Variants in AR observed in about 807,000 individuals in gnomAD.
AR encodes the protein androgen receptor, also known as dihydrotestosterone receptor.
A neutral mutation model predicts 53.9 loss-of-function variants in AR; 8 were observed. The observed-to-expected ratio is 0.15, with a 90% CI of 0.09 to 0.27. The LOEUF is 0.27. Ranked by LOEUF, AR falls within the 10% of genes least tolerant of loss-of-function variation. The probability of loss-of-function intolerance (pLI) is 1.00; values close to 1 mark genes in which losing one functional copy is unlikely to be tolerated. For synonymous variants in AR, 359 were observed against 316.4 expected (o/e 1.13, Z -1.43); for missense variants, 639 against 742.5 (o/e 0.86, Z 1.62).
chrX:67,706,093 T>C (rs917243373), intron 3 of AR, among the ~76,000 whole-genome samples: 6 of 111,992 alleles, frequency 5.4e-5, no homozygotes, highest in Non-Finnish European at 7.5e-5. Flanking sequence ...TCAGGGATAT[T>C]GGTGTAAAAT....
intron 4 of AR, among the ~76,000 whole-genome samples, chrX:67,713,873 G>C (rs2076103019): frequency 9.0e-6 from 1 of 111,668 alleles, no homozygotes; most frequent in Non-Finnish European, 1.9e-5. Context: ...CTGACCCCAA[G>C]TCTTTTAAAA....
At chrX:67,617,529 C>A (rs1402417604) in intron 1 of AR, among the ~76,000 whole-genome samples, 1 of 111,783 alleles carries the variant, frequency 8.9e-6, no homozygotes, top group Non-Finnish European at 1.9e-5. Context: ...CCTAATCCAA[C>A]TCTCTTGAGT....
At chrX:67,597,314 G>T (rs908478655) in intron 1 of AR, among the ~76,000 whole-genome samples, 1 of 111,599 alleles carries the variant, frequency 9.0e-6, no homozygotes, top group East Asian at 2.8e-4. Context: ...TGAGACTGTA[G>T]TTTGCTGACC....
chrX:67,645,599 G>GA (rs1926018355), intron 2 of AR, among the ~76,000 whole-genome samples: 2 of 111,227 alleles, frequency 1.8e-5, no homozygotes, highest in African/African-American at 6.5e-5. Flanking sequence ...CTTGAAATAT[G>GA]AAAAATCAGC....
At chrX:67,576,524 C>A (rs1473020258) in intron 1 of AR, among the ~76,000 whole-genome samples, 1 of 110,968 alleles carries the variant, frequency 9.0e-6, no homozygotes, top group African/African-American at 3.3e-5. Flanking sequence ...GTTTTTCTCA[C>A]TTAATGAAAA....
chrX:67,705,815 G>A (rs1189529624), intron 3 of AR, among the ~76,000 whole-genome samples: 8 of 111,283 alleles, frequency 7.2e-5, no homozygotes, highest in East Asian at 2.8e-4. Flanking sequence ...TTTGAGATAC[G>A]TCCCATCAAT....
At chrX:67,614,096 A>T in intron 1 of AR, among the ~76,000 whole-genome samples, 1 of 112,291 alleles carries the variant, frequency 8.9e-6, no homozygotes, top group South Asian at 3.7e-4. Flanking sequence ...GAAGGCTTAA[A>T]GTCAGGTTAG....
At chrX:67,607,179 G>A (rs948993932) in intron 1 of AR, among the ~76,000 whole-genome samples, 4 of 111,006 alleles carry the variant, frequency 3.6e-5, no homozygotes, top group South Asian at 3.8e-4. Flanking sequence ...AGAATCATGC[G>A]CCACCACACC....
rs1426230927 is a variant in AR at position 67,726,752 on chromosome X, T to C, written c.*2911T>C. The C allele has an allele frequency of 5.8e-6, 1 of 173,742 alleles. No individual in the cohort carries two copies. The highest frequency in any genetic ancestry group is 1.1e-5 in the Non-Finnish European group (1 of 91,236). 14.3% of individuals were successfully genotyped at this position (173,742 alleles called of 1,213,427 possible). A position where few individuals can be genotyped will look rare whatever the true frequency, so the allele number is the denominator to read the frequency against. Reference sequence around the variant, plus strand: ...AAGGAGGAGGATTTTTTTTTTCTTTTGGCCATTGATGTTCTAGCCAATGTA... The same window carrying C: ...AAGGAGGAGGATTTTTTTTTTCTTTCGGCCATTGATGTTCTAGCCAATGTA... On this transcript the variant is annotated 3_prime_UTR_variant, in exon 8 of 8. Coordinates refer to ENST00000374690, the MANE Select transcript of AR (RefSeq NM_000044.6).
chrX:67,671,980 ATGC>A (rs1347468002), intron 2 of AR, among the ~76,000 whole-genome samples: 1 of 111,321 alleles, frequency 9.0e-6, no homozygotes, highest in Non-Finnish European at 1.9e-5. Flanking sequence ...TACCAGTACC[ATGC>A]TGTTTTGGGT....
At chrX:67,618,660 G>A (rs1924228234) in intron 1 of AR, among the ~76,000 whole-genome samples, 1 of 111,583 alleles carries the variant, frequency 9.0e-6, no homozygotes, top group Admixed American at 9.5e-5. Context: ...GACCATACAA[G>A]TGGAGATGTG....
chrX:67,583,243 A>G (rs1280449501), intron 1 of AR, among the ~76,000 whole-genome samples: 1 of 112,333 alleles, frequency 8.9e-6, no homozygotes, highest in Non-Finnish European at 1.9e-5. Flanking sequence ...CTTTTTCTAT[A>G]GCACATACCT....
chrX:67,624,511 C>T (rs1924526116), intron 1 of AR, among the ~76,000 whole-genome samples: 1 of 111,515 alleles, frequency 9.0e-6, no homozygotes, highest in African/African-American at 3.3e-5. Flanking sequence ...CCCTTTCCAA[C>T]TAATTCTGCA....
chrX:67,587,369 C>A lies in AR; in HGVS notation c.1616+40607C>A, dbSNP rs975122662. On this transcript the variant is annotated intron_variant, in intron 1 of 7. Transcript: ENST00000374690. Reference sequence around the variant, plus strand: ...TTGGCTATCCATATGCTTTCCAGGGCGAAGGCAAGCTAGGACAAGGGCAGA... The same window carrying A: ...TTGGCTATCCATATGCTTTCCAGGGAGAAGGCAAGCTAGGACAAGGGCAGA... Among the ~76,000 whole-genome samples, 7 of 112,428 alleles carry A rather than the reference C, an allele frequency of 6.2e-5. No individual in the cohort carries two copies. The Admixed American group carries it at 6.6e-4, about 11-fold the overall frequency.
intron 2 of AR, chrX:67,685,794 A>T: frequency 2.1e-6 from 1 of 471,630 alleles, no homozygotes; most frequent in South Asian, 3.6e-5. Context: ...GTTCATCCCT[A>T]AAAAAAACAC....
At chrX:67,675,357 C>T (rs1377450523) in intron 2 of AR, among the ~76,000 whole-genome samples, 2 of 110,798 alleles carry the variant, frequency 1.8e-5, no homozygotes, top group Non-Finnish European at 3.8e-5. Context: ...GGCTAGCACA[C>T]CAGGATTTGA....
chrX:67,638,474 C>T (rs1365413109), intron 1 of AR, among the ~76,000 whole-genome samples: 1 of 111,871 alleles, frequency 8.9e-6, no homozygotes, highest in African/African-American at 3.2e-5. Context: ...TTCACATCCT[C>T]TCCAGCACCT....
chrX:67,563,178 AT>A (rs750704768), intron 1 of AR, among the ~76,000 whole-genome samples: 1 of 111,783 alleles, frequency 8.9e-6, no homozygotes, highest in African/African-American at 3.2e-5. Context: ...GTAGTTAAGG[AT>A]TTTAAATACA....
intron 3 of AR, chrX:67,695,176 C>T: frequency 1.3e-6 from 1 of 756,762 alleles, no homozygotes; most frequent in Non-Finnish European, 1.6e-6. Context: ...CAAGAAGCAA[C>T]TGTGTCTGTC....
Sources: gnomAD v4.1 joint callset for allele counts (sites outside exome capture counted in the v4.1 genomes callset) on GRCh38, gnomAD v4.1.1 for gene constraint, MANE v1.5 for transcripts, NCBI Gene and HGNC (gene_info 2026-07-23, HGNC 2026-07-21) for gene names.